Variants in MYH11 observed in about 807,000 individuals in gnomAD.
MYH11 encodes myosin heavy chain 11.
Under a neutral mutation model 246.6 loss-of-function variants are expected in MYH11, and 80 were observed. The ratio of observed to expected loss-of-function variants is 0.32; its 90% CI spans 0.27 to 0.39. The LOEUF is 0.39. Ranked by LOEUF, MYH11 falls within the 10% of genes least tolerant of loss-of-function variation. MYH11 has a pLI of 1.00. For synonymous variants in MYH11, 1,071 were observed against 1,015.5 expected (o/e 1.05, Z -1.04); for missense variants, 2,158 against 2,546.8 (o/e 0.85, Z 3.29).
intron 7 of MYH11, 47 bp downstream of exon 7, chr16:15,778,733 G>T (rs557419953): frequency 6.3e-7 from 1 of 1,577,870 alleles, no homozygotes; most frequent in East Asian, 2.2e-5. Flanking sequence ...CAGGAGATTG[G>T]TAGGGGGCAG....
intron 3 of MYH11, among the ~76,000 whole-genome samples, chr16:15,812,551 T>TAAAAAAAAAAAAA (rs71134466): frequency 1.6e-4 from 6 of 37,408 alleles, no homozygotes; most frequent in East Asian, 1.3e-3. Flanking sequence ...ATCTTATCTC[T>TAAAAAAAAAAAAA]AAAAAAAAAA....
In MYH11 at chr16:15,838,856, C is replaced by CA. The variant is rs10573476; in HGVS notation, c.-17-588dup. On this transcript the variant is annotated intron_variant, in intron 1 of 40. Coordinates refer to ENST00000300036, the MANE Select transcript of MYH11 (RefSeq NM_002474.3). ...TGGGTGACAGAGCCAGACTCCATCT[C>CA]AAAAAAAAAAAAAAAAAAAGAAGAA... 6.2e-3 allele frequency among the ~76,000 whole-genome samples: 552 copies of CA among 88,818 alleles called. 3 individuals are homozygous for CA. The highest frequency in any genetic ancestry group is 0.035 in the East Asian group (114 of 3,226). 58.3% of individuals were successfully genotyped at this position (88,818 alleles called of 152,430 possible).
chr16:15,846,796 A>C (rs1214239036), intron 1 of MYH11, among the ~76,000 whole-genome samples: 1 of 152,168 alleles, frequency 6.6e-6, no homozygotes, highest in Non-Finnish European at 1.5e-5. Flanking sequence ...TCTAGCAAAC[A>C]TACAAAAATT....
chr16:15,738,876 G>A (rs562249856), intron 23 of MYH11, among the ~76,000 whole-genome samples, 188 bp from the exon 24 acceptor site: 4 of 152,072 alleles, frequency 2.6e-5, no homozygotes, highest in South Asian at 2.1e-4. Context: ...TTCTCATCTC[G>A]TGCCAGTTTG....
Position 15,832,593 on chromosome 16 carries a change from T to A in MYH11, c.345+5315A>T, listed in dbSNP as rs576087537. Among the ~76,000 whole-genome samples, 611 of 152,320 alleles carry A rather than the reference T, an allele frequency of 4.0e-3. 6 individuals are homozygous for A. The highest frequency in any genetic ancestry group is 0.014 in the African/African-American group (581 of 41,546). On this transcript the variant is annotated intron_variant, in intron 2 of 40. Coordinates refer to ENST00000300036, the MANE Select transcript of MYH11 (RefSeq NM_002474.3). ...GAAACAGATTTCTTTTTTTGATATA[T>A]TAAGTTAACTCAATTTAAAAACAAA...
At chr16:15,740,324 AG>A in intron 22 of MYH11, 136 bp from the exon 23 acceptor site, 1 of 1,388,686 alleles carries the variant, frequency 7.2e-7, no homozygotes, top group South Asian at 1.2e-5. Flanking sequence ...GAAGAAATAA[AG>A]GCCTGAGCGT....
intron 3 of MYH11, 81 bp from the exon 4 acceptor site, chr16:15,798,768 C>T (rs2042813274): frequency 5.7e-6 from 8 of 1,402,856 alleles, no homozygotes; most frequent in Non-Finnish European, 8.0e-6. Flanking sequence ...CCTCCCAGGG[C>T]CCTCCCATTC....
At chr16:15,815,892 A>G (rs371131939) in intron 3 of MYH11, among the ~76,000 whole-genome samples, 46 of 152,276 alleles carry the variant, frequency 3.0e-4, no homozygotes, top group African/African-American at 1.1e-3. Context: ...ATTGGGTTTC[A>G]TCTTCTCAAA....
chr16:15,786,262 A>C, intron 5 of MYH11: 1 of 389,264 alleles, frequency 2.6e-6, no homozygotes, highest in South Asian at 2.1e-5. Context: ...GAGGCCAGGG[A>C]TGTTGTGAAA....
chr16:15,833,073 G>T (rs1417546971), intron 2 of MYH11, among the ~76,000 whole-genome samples: 9 of 148,010 alleles, frequency 6.1e-5, no homozygotes, highest in African/African-American at 2.3e-4. Flanking sequence ...AAGTGGTGAA[G>T]ATTGCTTGAG....
intron 3 of MYH11, among the ~76,000 whole-genome samples, chr16:15,818,872 C>T (rs2043330415): frequency 6.6e-6 from 1 of 152,096 alleles, no homozygotes. Context: ...TGCATATTCA[C>T]GGTTTTCATT....
chr16:15,752,212 ATGT>A (rs1035611709), intron 15 of MYH11, among the ~76,000 whole-genome samples: 2 of 151,946 alleles, frequency 1.3e-5, no homozygotes, highest in African/African-American at 4.8e-5. Context: ...CCAGGGTGCG[ATGT>A]TGTTCCCTAG....
intron 33 of MYH11, among the ~76,000 whole-genome samples, 155 bp from the exon 34 acceptor site, chr16:15,720,467 C>T (rs2040407402): frequency 6.6e-6 from 1 of 152,022 alleles, no homozygotes; most frequent in Non-Finnish European, 1.5e-5. Flanking sequence ...GGAATCACGC[C>T]GGGCGTGGGT....
At chr16:15,836,658 C>T (rs2043902629) in intron 2 of MYH11, among the ~76,000 whole-genome samples, 1 of 151,944 alleles carries the variant, frequency 6.6e-6, no homozygotes, top group African/African-American at 2.4e-5. Flanking sequence ...CCTTGGCCTC[C>T]CAAAGTGCTG....
intron 24 of MYH11, among the ~76,000 whole-genome samples, chr16:15,738,312 A>T (rs2041180119): frequency 6.6e-6 from 1 of 151,852 alleles, no homozygotes; most frequent in Non-Finnish European, 1.5e-5. Context: ...TTGAGACTAG[A>T]CTGAGCATCA....
chr16:15,828,952 G>A lies in MYH11; in HGVS notation c.346-5541C>T, dbSNP rs190851678. ...TAATGCCAGCACTTTGGGAAATCGA[G>A]GAGGTCAGATCACTTGAGGTCAGGA... On this transcript the variant is annotated intron_variant, in intron 2 of 40. Coordinates refer to ENST00000300036, the MANE Select transcript of MYH11 (RefSeq NM_002474.3). 7.2e-5 allele frequency among the ~76,000 whole-genome samples: 11 copies of A among 151,892 alleles called. No homozygotes were observed. The East Asian group carries it at 1.6e-3, about 22-fold the overall frequency.
At chr16:15,724,480 T>G in intron 30 of MYH11, 71 bp from the exon 31 acceptor site, 1 of 1,609,496 alleles carries the variant, frequency 6.2e-7, no homozygotes, top group African/African-American at 1.3e-5. Flanking sequence ...CCCCACAGAC[T>G]CTGAGAAGCG....
intron 3 of MYH11, among the ~76,000 whole-genome samples, chr16:15,819,954 T>C (rs2043363329): frequency 6.6e-6 from 1 of 152,108 alleles, no homozygotes; most frequent in African/African-American, 2.4e-5. Flanking sequence ...TGGGTATCAA[T>C]AGCCACCATC....
At position 15,721,049 on chromosome 16, in the gene MYH11, G is replaced by A. The variant is rs1449199189; in HGVS notation, c.4581C>T (p.Val1527=). ...CCCGCTTGGACTTCTCCAGCTCATG[G>A]ACCTGCCGGCAGAGCGGGCAGCCCC... The part of the protein sequence containing the change: ...VSSKDDVGKN[V]HELEKSKRAL... The change falls in exon 33 of 41, where the codon GTC becomes GTT. Residue 1527 remains valine, a splice_region_variant and synonymous_variant. Coordinates refer to ENST00000300036, the MANE Select transcript of MYH11 (RefSeq NM_002474.3). 6.2e-7 allele frequency: 1 copy of A among 1,613,764 alleles called. No individual in the cohort carries two copies. The highest frequency in any genetic ancestry group is 1.7e-5 in the Admixed American group (1 of 59,998).
Sources: gnomAD v4.1 joint callset for allele counts (sites outside exome capture counted in the v4.1 genomes callset) on GRCh38, gnomAD v4.1.1 for gene constraint, MANE v1.5 for transcripts, NCBI Gene and HGNC (gene_info 2026-07-23, HGNC 2026-07-21) for gene names.